Variants in NMT1 observed in about 807,000 individuals in gnomAD.
NMT1 encodes glycylpeptide N-tetradecanoyltransferase 1.
In NMT1, 12 loss-of-function variants were observed where a neutral mutation model predicts 63.4. The observed-to-expected ratio is 0.19, with a 90% CI of 0.12 to 0.31. The LOEUF (loss-of-function observed/expected upper bound fraction) is 0.31. NMT1 is among the 10% of genes least tolerant of loss of function. NMT1 has a pLI of 1.00. For missense variants in NMT1, 432 were observed against 634.6 expected, an observed-to-expected ratio of 0.68 and a Z score of 3.43; for synonymous variants, 228 against 234.3, an observed-to-expected ratio of 0.97 and a Z score of 0.25.
intron 8 of NMT1, 103 bp from the exon 9 acceptor site, chr17:45,102,848 C>G (rs144650869): frequency 1.6e-5 from 18 of 1,139,762 alleles, no homozygotes; most frequent in East Asian, 5.3e-5. Context: ...AGGGAGCCGC[C>G]GAATGACCAG....
At chr17:45,095,512 A>G (rs557757259) in intron 4 of NMT1, among the ~76,000 whole-genome samples, 1 of 152,318 alleles carries the variant, frequency 6.6e-6, no homozygotes, top group East Asian at 1.9e-4. Context: ...TGTAATTCCA[A>G]CAATTTGGGA....
In NMT1 at chr17:45,104,684, A is replaced by T. The variant is rs1229969444; in HGVS notation, c.1333-175A>T. The T allele has an allele frequency of 2.8e-5, 40 of 1,436,494 alleles. No homozygotes were observed. In the East Asian group the frequency reaches 1.0e-3, roughly 36 times the overall value. The allele number at this position is 1,436,494 out of a possible 1,614,324, so 89.0% of individuals were successfully genotyped here. Reference sequence around the variant, plus strand: ...AGGCCAGGCTGGAGGGGGCGCTCAGAGTGTCCTGAGAACCACCCGGAGAGC... The same window carrying T: ...AGGCCAGGCTGGAGGGGGCGCTCAGTGTGTCCTGAGAACCACCCGGAGAGC... On this transcript the variant is annotated intron_variant, in intron 10 of 11. Transcript: ENST00000258960. This position sits in a 1 kb window ranked among gnomAD's most constrained non-coding sequence, Gnocchi z 4.2.
chr17:45,098,273 C>A (rs375424957), intron 6 of NMT1, 109 bp from the exon 7 acceptor site: 1 of 1,007,700 alleles, frequency 9.9e-7, no homozygotes. Flanking sequence ...GCTAAAAGTA[C>A]ACCCGTGCTG....
chr17:45,086,178 C>T (rs2054050975), intron 2 of NMT1, among the ~76,000 whole-genome samples: 1 of 141,382 alleles, frequency 7.1e-6, no homozygotes, highest in Non-Finnish European at 1.5e-5. Context: ...GGCTGGAGTG[C>T]AATGGCGCCA....
intron 7 of NMT1, chr17:45,098,851 GC>G (rs2054143116): frequency 2.9e-6 from 1 of 348,872 alleles, no homozygotes; most frequent in African/African-American, 2.0e-5. Flanking sequence ...TTAGGGATGA[GC>G]CCAAATCTGG....
intron 1 of NMT1, among the ~76,000 whole-genome samples, chr17:45,072,783 T>A (rs1236062298): frequency 8.7e-5 from 13 of 149,120 alleles, no homozygotes; most frequent in Non-Finnish European, 1.3e-4. Context: ...ATGGTCTCGA[T>A]CTCCTGACGT....
intron 1 of NMT1, among the ~76,000 whole-genome samples, chr17:45,081,102 C>T (rs1244269917): frequency 6.6e-6 from 1 of 152,200 alleles, no homozygotes; most frequent in East Asian, 1.9e-4. Flanking sequence ...CCATTTTGGA[C>T]ACAGATTGTG....
intron 4 of NMT1, among the ~76,000 whole-genome samples, chr17:45,094,930 A>AG (rs1377283730): frequency 6.6e-6 from 1 of 150,962 alleles, no homozygotes; most frequent in Non-Finnish European, 1.5e-5. Flanking sequence ...CTCCTGCCTC[A>AG]GCCTCCCAGG....
chr17:45,103,622 G>A lies in NMT1; in HGVS notation c.1165-87G>A. 1 of 1,352,694 alleles carries A rather than the reference G, an allele frequency of 7.4e-7. No individual in the cohort carries two copies. The highest frequency in any genetic ancestry group is 1.4e-5 in the African/African-American group (1 of 69,154). The allele number at this position is 1,352,694 out of a possible 1,614,324, so 83.8% of individuals were successfully genotyped here. A position where few individuals can be genotyped will look rare whatever the true frequency, so the allele number is the denominator to read the frequency against. ...TTTATCTAGAGGGGCAGAGCTGCCT[G>A]AAGGTGGAGTGAGAGAAACATTTTG... On this transcript the variant is annotated intron_variant, in intron 9 of 11. Coordinates refer to ENST00000258960, the MANE Select transcript of NMT1 (RefSeq NM_021079.5). This position sits in a 1 kb window ranked among gnomAD's most constrained non-coding sequence, Gnocchi z 4.8.
intron 1 of NMT1, among the ~76,000 whole-genome samples, chr17:45,072,749 C>T (rs1225725625): frequency 6.7e-6 from 1 of 148,750 alleles, no homozygotes; most frequent in South Asian, 2.2e-4. Flanking sequence ...TTAGTAGAGA[C>T]GGGGTTTCAC....
intron 3 of NMT1, among the ~76,000 whole-genome samples, chr17:45,091,372 C>G (rs2054086852): frequency 6.6e-6 from 1 of 152,162 alleles, no homozygotes; most frequent in African/African-American, 2.4e-5. Flanking sequence ...TGCCACAGAA[C>G]TGGCACATTC....
intron 8 of NMT1, among the ~76,000 whole-genome samples, chr17:45,101,124 C>T (rs2054161445): frequency 6.6e-6 from 1 of 151,672 alleles, no homozygotes; most frequent in African/African-American, 2.4e-5. Context: ...GCGGAGCTTG[C>T]AGTGAGCTGA....
intron 1 of NMT1, among the ~76,000 whole-genome samples, chr17:45,074,284 T>A (rs1232531356): frequency 1.3e-5 from 2 of 151,776 alleles, no homozygotes; most frequent in African/African-American, 4.8e-5. Flanking sequence ...GCTGGTTCTC[T>A]GCTCACTGCA....
chr17:45,094,908 G>A lies in NMT1; in HGVS notation c.504+1105G>A, dbSNP rs572846732. On this transcript the variant is annotated intron_variant, in intron 4 of 11. Transcript: ENST00000258960. ...GCTTACCCCAACCTCCACCTTCCAG[G>A]TTCAAGTGATTCTCCTGCCTCAGCC... is the stretch of plus-strand genomic sequence containing the variant. Among the ~76,000 whole-genome samples, 13 of 151,184 alleles carry A rather than the reference G, an allele frequency of 8.6e-5. 1 individual carries two copies. The South Asian group carries it at 2.7e-3, about 32-fold the overall frequency.
rs532214124 is a variant in NMT1 at position 45,104,677 on chromosome 17, C to T, written c.1333-182C>T. ...TGGGCAGAGGCCAGGCTGGAGGGGG[C>T]GCTCAGAGTGTCCTGAGAACCACCC... On this transcript the variant is annotated intron_variant, in intron 10 of 11. Transcript: ENST00000258960. This position sits in a 1 kb window ranked among gnomAD's most constrained non-coding sequence, Gnocchi z 4.2. 1.2e-5 allele frequency: 17 copies of T among 1,430,410 alleles called. No homozygotes were observed. Among genetic ancestry groups the T allele is most frequent in the East Asian group, 5.1e-5 (2 of 39,394 alleles). 88.6% of individuals were successfully genotyped at this position (1,430,410 alleles called of 1,614,324 possible). A position where few individuals can be genotyped will look rare whatever the true frequency, so the allele number is the denominator to read the frequency against.
chr17:45,105,511 A>G lies in NMT1; in HGVS notation c.1471-108A>G, dbSNP rs1598021821. ...GGGTGTGAGTCTGCTCCCACAGCAC[A>G]GGCGGTGGACCCGGGCCCAGCCACT... On this transcript the variant is annotated intron_variant, in intron 11 of 11. Transcript: ENST00000258960. This position sits in a 1 kb window ranked among gnomAD's most constrained non-coding sequence, Gnocchi z 4.2. 2 of 1,209,350 alleles carry G rather than the reference A, an allele frequency of 1.7e-6. No homozygotes were observed. Among genetic ancestry groups the G allele is most frequent in the Admixed American group, 1.8e-5 (1 of 54,776 alleles). 74.9% of individuals were successfully genotyped at this position (1,209,350 alleles called of 1,614,324 possible).
chr17:45,087,740 T>C (rs2054063642), intron 3 of NMT1, among the ~76,000 whole-genome samples: 1 of 152,100 alleles, frequency 6.6e-6, no homozygotes, highest in Admixed American at 6.6e-5. Context: ...ACTGCTCCCC[T>C]CCAGAAACAC....
At chr17:45,067,473 CT>C (rs2053910367) in intron 1 of NMT1, among the ~76,000 whole-genome samples, 1 of 152,152 alleles carries the variant, frequency 6.6e-6, no homozygotes, top group African/African-American at 2.4e-5. Context: ...TCCTCATTTC[CT>C]GGTTGTGAGA....
At chr17:45,074,128 C>G (rs2053961617) in intron 1 of NMT1, among the ~76,000 whole-genome samples, 1 of 152,126 alleles carries the variant, frequency 6.6e-6, no homozygotes, top group African/African-American at 2.4e-5. Context: ...TTTTCCATCT[C>G]CTCCCCAAGG....
Sources: allele counts gnomAD v4.1 joint callset (sites outside exome capture counted in the v4.1 genomes callset), GRCh38; gene constraint gnomAD v4.1.1; non-coding constraint Gnocchi (gnomAD v3.1); transcripts MANE v1.5; gene names NCBI Gene and HGNC (gene_info 2026-07-23, HGNC 2026-07-21).